The following TENM2 variants were observed in gnomAD, a reference collection of about 807,000 sequenced individuals.
TENM2 encodes the protein teneurin-2.
A neutral mutation model predicts 245.2 loss-of-function variants in TENM2; 52 were observed. That is an observed-to-expected ratio of 0.21 (90% CI 0.17 to 0.27). The LOEUF (loss-of-function observed/expected upper bound fraction) is 0.27, where lower values mean the gene tolerates loss of function less well. Among genes scored for constraint, TENM2 ranks in the 10% least tolerant of loss-of-function variants. The pLI, the probability that TENM2 is intolerant of heterozygous loss-of-function variation, is 1.00. For synonymous variants in TENM2, 1,363 were observed against 1,438.9 expected, an observed-to-expected ratio of 0.95 and a Z score of 1.19; for missense variants, 3,046 against 3,666.8, an observed-to-expected ratio of 0.83 and a Z score of 4.37.
chr5:167,720,947 A>G (rs2150517541), intron 2 of TENM2, among the ~76,000 whole-genome samples: 1 of 152,374 alleles, frequency 6.6e-6, no homozygotes, highest in Middle Eastern at 3.4e-3. Context: ...TTGTGCTGGA[A>G]TGAAAGCTGC....
intron 2 of TENM2, among the ~76,000 whole-genome samples, chr5:167,393,164 A>G (rs1421038746): frequency 1.3e-5 from 2 of 152,028 alleles, no homozygotes; most frequent in Non-Finnish European, 2.9e-5. Flanking sequence ...TTATTAGGCA[A>G]TAAAAAATGA....
At chr5:167,883,612 C>T (rs962495890) in intron 3 of TENM2, among the ~76,000 whole-genome samples, 1 of 152,192 alleles carries the variant, frequency 6.6e-6, no homozygotes, top group Non-Finnish European at 1.5e-5. Context: ...GGTCGATAGG[C>T]ATTGTGTACA....
At chr5:167,057,862 A>G in the TENM2 span, among the ~76,000 whole-genome samples, 96,913 of 151,976 alleles carry the variant, frequency 0.64, 33,197 homozygotes, top group African/African-American at 0.91. Context: ...GAGCTCCTGG[A>G]GTTAAAACTC....
intron 6 of TENM2, among the ~76,000 whole-genome samples, chr5:168,058,397 A>G (rs1226930450): frequency 6.6e-6 from 1 of 152,234 alleles, no homozygotes; most frequent in Non-Finnish European, 1.5e-5. Context: ...CACAGTGTCC[A>G]GAGACAGAGA....
At chr5:167,339,809 T>C (rs35472878) in intron 1 of TENM2, among the ~76,000 whole-genome samples, 1 of 151,838 alleles carries the variant, frequency 6.6e-6, no homozygotes, top group African/African-American at 2.4e-5. Context: ...TTCTTTTTTA[T>C]CCCTCTCACT....
At chr5:168,116,854 G>A (rs888486522) in intron 9 of TENM2, among the ~76,000 whole-genome samples, 1 of 152,168 alleles carries the variant, frequency 6.6e-6, no homozygotes, top group Non-Finnish European at 1.5e-5. Context: ...CCGGGTTGTA[G>A]ATGTGTGTAC....
At chr5:168,095,504 G>T (rs1332042955) in intron 8 of TENM2, among the ~76,000 whole-genome samples, 1 of 152,130 alleles carries the variant, frequency 6.6e-6, no homozygotes, top group African/African-American at 2.4e-5. Context: ...TCTTTAAGTA[G>T]CTTCCTTTCG....
chr5:167,324,123 T>G (rs1354647789), intron 1 of TENM2, among the ~76,000 whole-genome samples: 1 of 152,168 alleles, frequency 6.6e-6, no homozygotes, highest in Non-Finnish European at 1.5e-5. Context: ...TTAAAGAGTT[T>G]TGAAGATTAG....
At chr5:167,636,443 GTTTTA>G (rs905696695) in intron 2 of TENM2, among the ~76,000 whole-genome samples, 1 of 152,172 alleles carries the variant, frequency 6.6e-6, no homozygotes, top group African/African-American at 2.4e-5. Context: ...TGCCTTGCGA[GTTTTA>G]TTTTAAATAA....
At chr5:167,141,024 C>T in the TENM2 span, among the ~76,000 whole-genome samples, 3 of 152,102 alleles carry the variant, frequency 2.0e-5, no homozygotes, top group East Asian at 5.8e-4. Context: ...GTTATATGTT[C>T]TGTTTGCCTT....
chr5:167,657,061 C>A lies in TENM2; in HGVS notation c.503-218925C>A, dbSNP rs556796059. The stretch of plus-strand genomic sequence containing the variant: ...TGGTACAAAACACTTGAACGTATTT[C>A]TTCCTATATAGCTGTTATTTTGTGT... On this transcript the variant is annotated intron_variant, in intron 2 of 28. Coordinates refer to ENST00000518659, the Ensembl canonical transcript of TENM2. Among the ~76,000 whole-genome samples the A allele has an allele frequency of 2.0e-5, 3 of 150,428 alleles. 1 individual carries two copies. Among genetic ancestry groups the A allele is most frequent in the African/African-American group, 7.3e-5 (3 of 40,834 alleles).
intron 2 of TENM2, among the ~76,000 whole-genome samples, chr5:167,631,707 G>A (rs975469135): frequency 1.3e-5 from 2 of 151,964 alleles, no homozygotes; most frequent in Non-Finnish European, 2.9e-5. Context: ...TCACCCCCCT[G>A]GGCTTTGCCT....
chr5:168,186,065 C>T (rs1354335823), intron 13 of TENM2: 1 of 150,452 alleles, frequency 6.6e-6, no homozygotes, highest in African/African-American at 2.4e-5. Flanking sequence ...ACAATTATAA[C>T]TCAGTTTTTA....
chr5:167,128,094 C>A, the TENM2 span, among the ~76,000 whole-genome samples: 3 of 152,280 alleles, frequency 2.0e-5, no homozygotes, highest in African/African-American at 7.2e-5. Flanking sequence ...GCATAGCCTT[C>A]CTGTGCCTGC....
At chr5:167,703,530 CAAAAAAAA>C (rs747603141) in intron 2 of TENM2, among the ~76,000 whole-genome samples, 2 of 97,170 alleles carry the variant, frequency 2.1e-5, no homozygotes, top group Admixed American at 1.1e-4. Flanking sequence ...GAAACCATCT[CAAAAAAAA>C]AAAAAAAAAG....
At chr5:167,831,988 A>G (rs1377569121) in intron 2 of TENM2, among the ~76,000 whole-genome samples, 1 of 152,188 alleles carries the variant, frequency 6.6e-6, no homozygotes, top group South Asian at 2.1e-4. Flanking sequence ...TGGACGAAAA[A>G]AAAAAAAAAT....
At chr5:167,684,018 C>A (rs943337150) in intron 2 of TENM2, among the ~76,000 whole-genome samples, 2 of 152,172 alleles carry the variant, frequency 1.3e-5, no homozygotes, top group African/African-American at 4.8e-5. Flanking sequence ...AGTGGGGAAA[C>A]CAGAAGGTCT....
Position 167,899,563 on chromosome 5 carries a change from C to T in TENM2, c.712+23368C>T, listed in dbSNP as rs180755868. On this transcript the variant is annotated intron_variant, in intron 3 of 28. Transcript: ENST00000518659. ...ATGAGGTAACAGAGATTTTAGGTAC[C>T]CTGCACAAGGTTACACAGATAAAAC... Among the ~76,000 whole-genome samples the T allele has an allele frequency of 2.4e-3, 366 of 152,192 alleles. 1 individual carries two copies. The highest frequency in any genetic ancestry group is 8.5e-3 in the African/African-American group (353 of 41,526).
chr5:167,262,407 C>G, the TENM2 span, among the ~76,000 whole-genome samples: 15,440 of 119,808 alleles, frequency 0.13, 987 homozygotes, highest in East Asian at 0.33. Context: ...TTTGGGGGGG[C>G]GGTGCACAAT....
Sources: gnomAD v4.1 joint callset for allele counts (sites outside exome capture counted in the v4.1 genomes callset) on GRCh38, gnomAD v4.1.1 for gene constraint, MANE v1.5 for transcripts, NCBI Gene and HGNC (gene_info 2026-07-23, HGNC 2026-07-21) for gene names.